Variants in SPTBN4 observed in about 807,000 individuals in gnomAD.
The protein encoded by SPTBN4 is spectrin beta, non-erythrocytic 4.
Under a neutral mutation model 277.8 loss-of-function variants are expected in SPTBN4, and 96 were observed. The observed-to-expected ratio is 0.35, with a 90% CI of 0.29 to 0.41. The LOEUF (loss-of-function observed/expected upper bound fraction) is 0.41, where lower values mean the gene tolerates loss of function less well. Among genes scored for constraint, SPTBN4 ranks in the 10% least tolerant of loss-of-function variants. SPTBN4 has a pLI of 1.00. For missense variants in SPTBN4, 3,006 were observed against 3,595.7 expected (o/e 0.84, Z 4.19); for synonymous variants, 1,481 against 1,580.3 (o/e 0.94, Z 1.49).
At chr19:40,574,652 A>G (rs187286343) in intron 35 of SPTBN4, among the ~76,000 whole-genome samples, 5 of 152,068 alleles carry the variant, frequency 3.3e-5, no homozygotes, top group African/African-American at 4.8e-5. Flanking sequence ...ATGAGCCACC[A>G]CACCCGGCCA....
rs144020509 is a variant in SPTBN4, at chr19:40,472,632, T to C, written c.11T>C (p.Val4Ala). The C allele has an allele frequency of 1.2e-4, 196 of 1,613,040 alleles. No homozygotes were observed. The highest frequency in any genetic ancestry group is 4.7e-4 in the Admixed American group (28 of 59,904). ...GCCTCACCTTCCCCGATGGCGCAGG[T>C]ACCAGGGGAAGTGGACAACATGGAG... MAQ[V>A]PGEVDNMEGL... The change falls in exon 2 of 36, where the codon GTA becomes GCA. Residue 4 changes from valine (V) to alanine (A), a missense_variant. Val to Ala is a moderately conservative substitution (Grantham distance 64). Transcript: ENST00000598249.
chr19:40,534,406 A>G (rs565181684), intron 20 of SPTBN4, 63 bp downstream of exon 20: 87 of 1,565,442 alleles, frequency 5.6e-5, no homozygotes, highest in East Asian at 4.3e-4. Context: ...TCAGGGTCCA[A>G]CCCCACTCAA....
chr19:40,505,789 T>A (rs536334212), intron 12 of SPTBN4, among the ~76,000 whole-genome samples: 1 of 145,852 alleles, frequency 6.9e-6, no homozygotes, highest in South Asian at 2.2e-4. Context: ...GACAGGAAGG[T>A]GAACAGGAGA....
In SPTBN4 at chr19:40,556,199, C is replaced by T. The variant is rs754075860; in HGVS notation, c.5200C>T (p.Arg1734Cys). The change falls in exon 25 of 36, where the codon CGC (arginine) becomes TGC (cysteine). Residue 1734 changes from arginine to cysteine, a missense_variant. Arg to Cys is a radical substitution (Grantham distance 180). This residue lies in a region of SPTBN4 where 425 missense variants were observed against 594.7 expected (regional missense o/e 0.71). Coordinates refer to ENST00000598249, the MANE Select transcript of SPTBN4 (RefSeq NM_020971.3). Reference protein sequence around the residue: ...EQQYWLYQLSRQVSELEHWIA... With the variant: ...EQQYWLYQLSCQVSELEHWIA... ...GCAGTACTGGCTGTACCAGCTCAGCCGCCAGGTGAGCGAGCTTGAGCACTG... is the reference window on the plus strand; with the variant it reads ...GCAGTACTGGCTGTACCAGCTCAGCTGCCAGGTGAGCGAGCTTGAGCACTG... 6 of 1,613,606 alleles carry T rather than the reference C, an allele frequency of 3.7e-6. No individual in the cohort carries two copies. Among genetic ancestry groups the T allele is most frequent in the African/African-American group, 2.7e-5 (2 of 74,980 alleles).
chr19:40,554,166 A>T lies in SPTBN4; in HGVS notation c.4694A>T (p.Gln1565Leu), dbSNP rs929046656. ...CCCCAGGGCCTGCGGCGGGAGATCC[A>T]GGCGCATGGGCCGCGCCTGGAGGAG... ...KKNQGLRREI[Q>L]AHGPRLEEVL... Residue 1565 changes from glutamine (Q) to leucine (L), a missense_variant, in exon 23 of 36, where the codon CAG (glutamine) becomes CTG (leucine). Physicochemically the swap from Gln to Leu is moderately radical, Grantham distance 113 (BLOSUM62 -2). This residue lies in a region of SPTBN4 where 1,759 missense variants were observed against 2,061.5 expected (regional missense o/e 0.85). Transcript: ENST00000598249. This position sits in a 1 kb window ranked among gnomAD's most constrained non-coding sequence, Gnocchi z 5.7. 1.4e-6 allele frequency: 2 copies of T among 1,444,036 alleles called. No individual in the cohort carries two copies. The highest frequency in any genetic ancestry group is 1.5e-5 in the African/African-American group (1 of 66,930). 89.5% of individuals were successfully genotyped at this position (1,444,036 alleles called of 1,614,324 possible). A position where few individuals can be genotyped will look rare whatever the true frequency, so the allele number is the denominator to read the frequency against.
chr19:40,519,936 G>T lies in SPTBN4; in HGVS notation c.3439G>T (p.Ala1147Ser). ...EEVDQREEDYARIVAASEALL... is the reference protein window; with the variant it reads ...EEVDQREEDYSRIVAASEALL... ...GGTGGACCAGCGCGAGGAAGACTATGCTCGCATCGTGGCGGCCAGCGAGGC... is the reference window on the plus strand; with the variant it reads ...GGTGGACCAGCGCGAGGAAGACTATTCTCGCATCGTGGCGGCCAGCGAGGC... The change falls in exon 16 of 36, where the codon GCT becomes TCT. Residue 1147 changes from alanine (A) to serine (S), a missense_variant. Around this residue, in one of 5 missense-constraint regions of SPTBN4, gnomAD observed 1,759 missense variants for 2,061.5 expected, o/e 0.85. Coordinates refer to ENST00000598249, the MANE Select transcript of SPTBN4 (RefSeq NM_020971.3). This position sits in a 1 kb window ranked among gnomAD's most constrained non-coding sequence, Gnocchi z 5.7. The T allele has an allele frequency of 6.4e-7, 1 of 1,553,318 alleles. No individual in the cohort carries two copies. Among genetic ancestry groups the T allele is most frequent in the Non-Finnish European group, 8.6e-7 (1 of 1,157,454 alleles).
chr19:40,569,284 G>T (rs2145957403), intron 31 of SPTBN4, among the ~76,000 whole-genome samples: 2 of 152,174 alleles, frequency 1.3e-5, no homozygotes, highest in South Asian at 2.1e-4. Flanking sequence ...AAATTAGCCG[G>T]CATGGTGGCG....
At chr19:40,489,437 G>A (rs749840099) in intron 3 of SPTBN4, among the ~76,000 whole-genome samples, 2 of 152,066 alleles carry the variant, frequency 1.3e-5, no homozygotes, top group African/African-American at 2.4e-5. Flanking sequence ...CCAGGCTGGA[G>A]TGCAGTGGCG....
At chr19:40,522,451 C>A (rs943248797) in intron 16 of SPTBN4, among the ~76,000 whole-genome samples, 4 of 150,178 alleles carry the variant, frequency 2.7e-5, no homozygotes, top group African/African-American at 7.4e-5. Context: ...CTTCTGGGTT[C>A]AAGCGATTCT....
Position 40,502,285 on chromosome 19 carries a change from C to G in SPTBN4, c.1055C>G (p.Thr352Arg). The change falls in exon 9 of 36, where the codon ACG (threonine) becomes AGG (arginine). Residue 352 changes from threonine to arginine, a missense_variant. Coordinates refer to ENST00000598249, the MANE Select transcript of SPTBN4 (RefSeq NM_020971.3). This position sits in a 1 kb window ranked among gnomAD's most constrained non-coding sequence, Gnocchi z 4.9. ...GTGCAGCAGCAACTCCAGGCTTTCA[C>G]GGCCTATTGCACGCTGGAGAAGCCT... The part of the protein sequence containing the change: ...SGVQQQLQAF[T>R]AYCTLEKPVK... 6.2e-7 allele frequency: 1 copy of G among 1,609,202 alleles called. No individual in the cohort carries two copies. Among genetic ancestry groups the G allele is most frequent in the Non-Finnish European group, 8.5e-7 (1 of 1,177,540 alleles).
chr19:40,567,955 C>T lies in SPTBN4; in HGVS notation c.6629C>T (p.Ala2210Val). ...GRVEPAALPAAPEDAAETPAT... is the reference protein window; with the variant it reads ...GRVEPAALPAVPEDAAETPAT... ...GTGGAGCCCGCGGCCCTGCCGGCCGCACCAGAGGACGCGGCGGAGACCCCC... is the reference window on the plus strand; with the variant it reads ...GTGGAGCCCGCGGCCCTGCCGGCCGTACCAGAGGACGCGGCGGAGACCCCC... Residue 2210 changes from alanine (A) to valine (V), a missense_variant, in exon 31 of 36, where the codon GCA becomes GTA. Physicochemically the swap from Ala to Val is moderately conservative, Grantham distance 64. Transcript: ENST00000598249. The T allele has an allele frequency of 1.3e-6, 2 of 1,506,566 alleles. No homozygotes were observed. The highest frequency in any genetic ancestry group is 1.3e-5 in the South Asian group (1 of 79,230). 93.3% of individuals were successfully genotyped at this position (1,506,566 alleles called of 1,614,324 possible).
intron 27 of SPTBN4, among the ~76,000 whole-genome samples, chr19:40,562,973 G>T (rs538582815): frequency 6.6e-6 from 1 of 152,298 alleles, no homozygotes; most frequent in South Asian, 2.1e-4. Flanking sequence ...ACACTGGGAG[G>T]CCAAGGCAAG....
chr19:40,519,807 C>G lies in SPTBN4; in HGVS notation c.3310C>G (p.Leu1104Val), dbSNP rs1347241192. ...LHDLDAFLDW[L>V]VRAQEAAGGS... is the part of the protein sequence containing the mutation. ...TGACCTCGACGCTTTCCTGGACTGG[C>G]TCGTGCGCGCCCAGGAGGCGGCGGG... is the stretch of plus-strand genomic sequence containing the variant. The change falls in exon 16 of 36, where the codon CTC (leucine) becomes GTC (valine). Residue 1104 changes from leucine to valine, a missense_variant. Physicochemically the swap from Leu to Val is conservative, Grantham distance 32. This residue lies in a region of SPTBN4 where 1,759 missense variants were observed against 2,061.5 expected (regional missense o/e 0.85). Coordinates refer to ENST00000598249, the MANE Select transcript of SPTBN4 (RefSeq NM_020971.3). The surrounding 1 kb of genome is among the most constrained non-coding windows in gnomAD (Gnocchi z 5.7). 4.9e-6 allele frequency: 7 copies of G among 1,438,348 alleles called. No individual in the cohort carries two copies. The African/African-American group carries it at 9.1e-5, about 19-fold the overall frequency. 89.1% of individuals were successfully genotyped at this position (1,438,348 alleles called of 1,614,324 possible). A position where few individuals can be genotyped will look rare whatever the true frequency, so the allele number is the denominator to read the frequency against.
At position 40,489,778 on chromosome 19, in the gene SPTBN4, G is replaced by A. The variant is rs533499966; in HGVS notation, c.322-297G>A. Among the ~76,000 whole-genome samples, 8 of 142,910 alleles carry A rather than the reference G, an allele frequency of 5.6e-5. No individual in the cohort carries two copies. In the South Asian group the frequency reaches 1.7e-3, roughly 30 times the overall value. The allele number at this position is 142,910 out of a possible 152,430, so 93.8% of individuals were successfully genotyped here. A position where few individuals can be genotyped will look rare whatever the true frequency, so the allele number is the denominator to read the frequency against. ...ATGGGCTAGGAGGGCGGGGCTTCAT[G>A]ATGGGGGCGTGGTTATCAGGTTCGA... On this transcript the variant is annotated intron_variant, in intron 3 of 35. Coordinates refer to ENST00000598249, the MANE Select transcript of SPTBN4 (RefSeq NM_020971.3).
intron 27 of SPTBN4, among the ~76,000 whole-genome samples, chr19:40,562,903 G>A (rs2081057744): frequency 6.6e-6 from 1 of 152,044 alleles, no homozygotes; most frequent in South Asian, 2.1e-4. Context: ...CACTTGGCTT[G>A]AACAACCATC....
chr19:40,480,563 T>A (rs1337373701), intron 2 of SPTBN4, among the ~76,000 whole-genome samples: 1 of 152,198 alleles, frequency 6.6e-6, no homozygotes, highest in Non-Finnish European at 1.5e-5. Context: ...TTTCTGTAAA[T>A]GGAATAATGC....
At chr19:40,489,435 G>GA (rs1406553586) in intron 3 of SPTBN4, among the ~76,000 whole-genome samples, 1 of 151,952 alleles carries the variant, frequency 6.6e-6, no homozygotes, top group Non-Finnish European at 1.5e-5. Flanking sequence ...ACCCAGGCTG[G>GA]AGTGCAGTGG....
chr19:40,554,452 G>T lies in SPTBN4; in HGVS notation c.4953+27G>T. The T allele has an allele frequency of 7.3e-6, 11 of 1,513,798 alleles. No homozygotes were observed. Among genetic ancestry groups the T allele is most frequent in the African/African-American group, 1.4e-5 (1 of 72,114 alleles). 93.8% of individuals were successfully genotyped at this position (1,513,798 alleles called of 1,614,324 possible). A position where few individuals can be genotyped will look rare whatever the true frequency, so the allele number is the denominator to read the frequency against. On this transcript the variant is annotated intron_variant, in intron 23 of 35. Transcript: ENST00000598249. The surrounding 1 kb of genome is among the most constrained non-coding windows in gnomAD (Gnocchi z 5.7). ...TGCGCCCGAGCTGGGGGTGCGGAGG[G>T]CCTGGGGGCGCTGGAGCCGGGGGCC...
At chr19:40,503,661 C>G (rs1364567949) in intron 11 of SPTBN4, among the ~76,000 whole-genome samples, 169 bp from the exon 12 acceptor site, 1 of 151,684 alleles carries the variant, frequency 6.6e-6, no homozygotes, top group Non-Finnish European at 1.5e-5. Flanking sequence ...GGGCTGGTCT[C>G]CAGGTTACCT....
Sources: allele counts gnomAD v4.1 joint callset (sites outside exome capture counted in the v4.1 genomes callset), GRCh38; gene constraint gnomAD v4.1.1; regional missense constraint gnomAD v4.1.1; non-coding constraint Gnocchi (gnomAD v3.1); transcripts MANE v1.5; gene names NCBI Gene and HGNC (gene_info 2026-07-23, HGNC 2026-07-21).